The following NUTM2B variants were observed in gnomAD, a reference collection of about 807,000 sequenced individuals.
The protein encoded by NUTM2B is family with sequence similarity 22, member B.
Under a neutral mutation model 42.4 loss-of-function variants are expected in NUTM2B, and 2 were observed. The ratio of observed to expected loss-of-function variants is 0.05; its 90% CI spans 0.02 to 0.15. The LOEUF (loss-of-function observed/expected upper bound fraction) is 0.15. Ranked by LOEUF, NUTM2B falls within the 10% of genes least tolerant of loss-of-function variation. NUTM2B has a pLI of 1.00. For missense variants in NUTM2B, 58 were observed against 952.6 expected (o/e 0.06, Z 12.36); for synonymous variants, 18 against 402.4 (o/e 0.04, Z 11.43).
chr10:79,705,632 C>A (rs574263989), intron 1 of NUTM2B, among the ~76,000 whole-genome samples: 1 of 141,082 alleles, frequency 7.1e-6, no homozygotes, highest in South Asian at 2.7e-4. Context: ...GGCTTCCTGT[C>A]GGCCTTCTGA....
chr10:79,696,667 C>CATG, the NUTM2B span, among the ~76,000 whole-genome samples: 1 of 152,250 alleles, frequency 6.6e-6, no homozygotes, highest in Non-Finnish European at 1.5e-5. Flanking sequence ...TGCGAAAACC[C>CATG]ATGATTAGTG....
chr10:79,693,881 T>G, the NUTM2B span, among the ~76,000 whole-genome samples: 1 of 152,000 alleles, frequency 6.6e-6, no homozygotes, highest in East Asian at 1.9e-4. Context: ...TTAAAGGAAG[T>G]GATGTTGGCA....
chr10:79,701,089 T>C (rs1300188204), upstream of NUTM2B, among the ~76,000 whole-genome samples: 1 of 152,188 alleles, frequency 6.6e-6, no homozygotes, highest in Admixed American at 6.5e-5. Context: ...ATTGCATGTC[T>C]TGCATTCCCT....
upstream of NUTM2B, among the ~76,000 whole-genome samples, chr10:79,701,559 C>G (rs1840314857): frequency 1.3e-5 from 2 of 151,930 alleles, no homozygotes; most frequent in Non-Finnish European, 2.9e-5. Context: ...GATGCAGTCC[C>G]AGGGCCTCAA....
the NUTM2B span, among the ~76,000 whole-genome samples, chr10:79,693,474 G>A: frequency 6.6e-6 from 1 of 152,212 alleles, no homozygotes; most frequent in Admixed American, 6.5e-5. Flanking sequence ...AGTGGGTGGT[G>A]CAGGATACAT....
chr10:79,702,582 G>A (rs1293278938), upstream of NUTM2B, among the ~76,000 whole-genome samples: 6 of 151,100 alleles, frequency 4.0e-5, no homozygotes, highest in East Asian at 5.8e-4. Context: ...CAAATGCTTC[G>A]TAAGTGCCGA....
At chr10:79,698,165 C>CAA in the NUTM2B span, among the ~76,000 whole-genome samples, 12,033 of 124,778 alleles carry the variant, frequency 0.096, 660 homozygotes, top group East Asian at 0.35. Context: ...CCATACAATA[C>CAA]AAAAAAAAAA....
chr10:79,700,669 G>A (rs1243151611), upstream of NUTM2B, among the ~76,000 whole-genome samples: 1 of 152,056 alleles, frequency 6.6e-6, no homozygotes, highest in African/African-American at 2.4e-5. Context: ...CAAGAAGGAC[G>A]CCATGAGAGC....
chr10:79,701,002 C>T (rs1168938321), upstream of NUTM2B, among the ~76,000 whole-genome samples: 181 of 151,078 alleles, frequency 1.2e-3, no homozygotes, highest in African/African-American at 2.2e-3. Flanking sequence ...TACAAACCTG[C>T]AGTCCATGCA....
upstream of NUTM2B, among the ~76,000 whole-genome samples, chr10:79,700,719 C>T (rs1161785715): frequency 3.9e-5 from 6 of 152,294 alleles, no homozygotes; most frequent in East Asian, 9.7e-4. Flanking sequence ...TCGTGCTGCG[C>T]GTCTCCCTGC....
intron 1 of NUTM2B, among the ~76,000 whole-genome samples, chr10:79,705,153 T>A (rs1385424112): frequency 7.9e-6 from 1 of 125,978 alleles, no homozygotes; most frequent in Non-Finnish European, 1.7e-5. Flanking sequence ...AGGGATGGGC[T>A]CCTTGTCCCA....
At chr10:79,695,926 G>A in the NUTM2B span, among the ~76,000 whole-genome samples, 1 of 150,356 alleles carries the variant, frequency 6.7e-6, no homozygotes, top group Non-Finnish European at 1.5e-5. Context: ...AGGAGGAAAA[G>A]CAAGAAACTA....
At chr10:79,705,685 A>G (rs1840377563) in intron 1 of NUTM2B, among the ~76,000 whole-genome samples, 1 of 141,946 alleles carries the variant, frequency 7.0e-6, no homozygotes, top group Non-Finnish European at 1.5e-5. Flanking sequence ...CCTGTTGCTG[A>G]GCACGCTGAG....
the NUTM2B span, chr10:79,692,149 C>G: frequency 6.7e-6 from 1 of 149,098 alleles, no homozygotes. Context: ...CCATGCTCCC[C>G]TGGGGCCATC....
At chr10:79,701,036 G>A (rs557596090), upstream of NUTM2B, among the ~76,000 whole-genome samples, 18 of 152,304 alleles carry the variant, frequency 1.2e-4, no homozygotes, top group African/African-American at 4.1e-4. Context: ...CTTGCTGAAA[G>A]GTTTACCTTT....
At chr10:79,692,126 A>G in the NUTM2B span, 1 of 152,048 alleles carries the variant, frequency 6.6e-6, no homozygotes, top group Non-Finnish European at 1.5e-5. Context: ...ATTTAGGGGC[A>G]AGAGCAGGGA....
chr10:79,707,082 T>C (rs1262151173), intron 2 of NUTM2B, among the ~76,000 whole-genome samples: 1 of 126,214 alleles, frequency 7.9e-6, no homozygotes, highest in Non-Finnish European at 1.6e-5. Flanking sequence ...CACACCCCAG[T>C]GCCTCCCCTT....
At chr10:79,694,862 G>A in the NUTM2B span, among the ~76,000 whole-genome samples, 1 of 152,126 alleles carries the variant, frequency 6.6e-6, no homozygotes, top group East Asian at 1.9e-4. Context: ...TCCTCTCCTT[G>A]ACTCTACCCT....
At chr10:79,692,278 C>A in the NUTM2B span, among the ~76,000 whole-genome samples, 1 of 152,234 alleles carries the variant, frequency 6.6e-6, no homozygotes, top group Non-Finnish European at 1.5e-5. Context: ...ACCTACAGTA[C>A]AGCCTTCACT....
Sources: gnomAD v4.1 joint callset for allele counts (sites outside exome capture counted in the v4.1 genomes callset) on GRCh38, gnomAD v4.1.1 for gene constraint, MANE v1.5 for transcripts, NCBI Gene and HGNC (gene_info 2026-07-23, HGNC 2026-07-21) for gene names.